Variants in C2CD2 observed in about 807,000 individuals in gnomAD.
C2CD2 encodes C2 calcium dependent domain containing 2.
Under a neutral mutation model 74.3 loss-of-function variants are expected in C2CD2, and 43 were observed. The observed-to-expected ratio is 0.58, with a 90% CI of 0.45 to 0.75. The LOEUF (loss-of-function observed/expected upper bound fraction) is 0.75. Ranked by LOEUF, C2CD2 falls within the 30% of genes least tolerant of loss-of-function variation. C2CD2 has a pLI of 0.00. For missense variants in C2CD2, 801 were observed against 916.3 expected (o/e 0.87, Z 1.63); for synonymous variants, 422 against 390.7 (o/e 1.08, Z -0.94).
intron 1 of C2CD2, among the ~76,000 whole-genome samples, chr21:41,944,521 C>CAAAAAAAAAA (rs369422328): frequency 3.1e-5 from 3 of 97,916 alleles, no homozygotes; most frequent in African/African-American, 3.9e-5. Context: ...GACTCTGCCT[C>CAAAAAAAAAA]AAAAAAAAAA....
At chr21:41,936,194 CAT>C (rs2065306199) in intron 2 of C2CD2, among the ~76,000 whole-genome samples, 2 of 152,032 alleles carry the variant, frequency 1.3e-5, no homozygotes, top group South Asian at 4.2e-4. Flanking sequence ...ATTTACAAGC[CAT>C]TTATCTGATA....
Position 41,923,871 on chromosome 21 carries a change from A to G in C2CD2, c.379-1786T>C, listed in dbSNP as rs2065181264. Among the ~76,000 whole-genome samples the G allele has an allele frequency of 6.6e-6, 1 of 152,096 alleles. No individual in the cohort carries two copies. Reference sequence around the variant, plus strand: ...AGCAGACACGTGTGGGATAATTACCAGGCCAGGTGCCAGGTGTGTACTGGC... The same window carrying G: ...AGCAGACACGTGTGGGATAATTACCGGGCCAGGTGCCAGGTGTGTACTGGC... On this transcript the variant is annotated intron_variant, in intron 2 of 13. Transcript: ENST00000380486. The surrounding 1 kb of genome is among the most constrained non-coding windows in gnomAD (Gnocchi z 5.8).
At chr21:41,916,473 C>T (rs376997887) in intron 5 of C2CD2, among the ~76,000 whole-genome samples, 7 of 152,124 alleles carry the variant, frequency 4.6e-5, no homozygotes, top group African/African-American at 1.7e-4. Flanking sequence ...TGCCTTCAGA[C>T]TTGGACTGAA....
chr21:41,936,804 A>G (rs1247902684), intron 2 of C2CD2, among the ~76,000 whole-genome samples: 1 of 122,686 alleles, frequency 8.2e-6, no homozygotes, highest in Non-Finnish European at 1.7e-5. Context: ...CTTCCATATG[A>G]TTTTCTTTTC....
chr21:41,916,683 A>G (rs1383754309), intron 5 of C2CD2, among the ~76,000 whole-genome samples: 2 of 149,872 alleles, frequency 1.3e-5, no homozygotes, highest in East Asian at 3.9e-4. Flanking sequence ...ACACACACAC[A>G]CACACACACA....
rs1286823213 is a variant in C2CD2 at position 41,887,263 on chromosome 21, CAT to C, written c.*1859_*1860del. 2 of 152,144 alleles carry C rather than the reference CAT, an allele frequency of 1.3e-5. No individual in the cohort carries two copies. Among genetic ancestry groups the C allele is most frequent in the East Asian group, 1.9e-4 (1 of 5,198 alleles). The allele number at this position is 152,144 out of a possible 1,614,324, so 9.4% of individuals were successfully genotyped here. A position where few individuals can be genotyped will look rare whatever the true frequency, so the allele number is the denominator to read the frequency against. ...GGGGACAGAAACTTGGTAGTATTCACATGTTTTGAAACTCCAGGTGCTTTTTT... is the reference window on the plus strand; with the variant it reads ...GGGGACAGAAACTTGGTAGTATTCACGTTTTGAAACTCCAGGTGCTTTTTT... On this transcript the variant is annotated 3_prime_UTR_variant, in exon 14 of 14. Transcript: ENST00000380486.
At chr21:41,940,924 C>T (rs2065349255) in intron 2 of C2CD2, among the ~76,000 whole-genome samples, 1 of 152,080 alleles carries the variant, frequency 6.6e-6, no homozygotes, top group South Asian at 2.1e-4. Context: ...CTGAACATAA[C>T]TGGCAAATAA....
rs76854191 is a variant in C2CD2, at chr21:41,941,696, G to T, written c.378+451C>A. ...AGTTCTACAACTATCACCACCATCA[G>T]TTCTAGAACATTTCATCACCCCAAC... On this transcript the variant is annotated intron_variant, in intron 2 of 13. Transcript: ENST00000380486. 5.7e-3 allele frequency among the ~76,000 whole-genome samples: 872 copies of T among 152,220 alleles called. 8 individuals are homozygous for T. The highest frequency in any genetic ancestry group is 0.019 in the African/African-American group (801 of 41,542).
At chr21:41,941,265 G>A (rs1024424234) in intron 2 of C2CD2, among the ~76,000 whole-genome samples, 5 of 152,186 alleles carry the variant, frequency 3.3e-5, no homozygotes, top group South Asian at 2.1e-4. Context: ...GGAGGCTAAG[G>A]CAGGAGGATC....
intron 2 of C2CD2, among the ~76,000 whole-genome samples, chr21:41,935,283 CA>C (rs1355157727): frequency 6.6e-6 from 1 of 152,118 alleles, no homozygotes; most frequent in Non-Finnish European, 1.5e-5. Context: ...TAAATTGTAG[CA>C]AAAAATAAAT....
Position 41,953,654 on chromosome 21 carries a change from A to G in C2CD2, c.-6T>C. The stretch of plus-strand genomic sequence containing the variant: ...CCCAGCCGGGCCATGGCCATGGCGC[A>G]TCCCCGGCCCGCCTCGCCCCAACTT... On this transcript the variant is annotated 5_prime_UTR_variant, in exon 1 of 14. It removes an upstream start codon present in the reference 5' UTR. Coordinates refer to ENST00000380486, the MANE Select transcript of C2CD2 (RefSeq NM_015500.2). The G allele has an allele frequency of 1.4e-6, 2 of 1,419,312 alleles. No individual in the cohort carries two copies. The highest frequency in any genetic ancestry group is 1.8e-6 in the Non-Finnish European group (2 of 1,092,074). The allele number at this position is 1,419,312 out of a possible 1,614,324, so 87.9% of individuals were successfully genotyped here.
chr21:41,901,431 A>G, intron 12 of C2CD2, 191 bp downstream of exon 12: 2 of 655,086 alleles, frequency 3.1e-6, no homozygotes, highest in Non-Finnish European at 5.5e-6. Context: ...GTCCTTGGTG[A>G]ATAGGATAAA....
At chr21:41,942,026 T>G in intron 2 of C2CD2, 121 bp downstream of exon 2, 5 of 1,288,916 alleles carry the variant, frequency 3.9e-6, no homozygotes, top group Non-Finnish European at 5.2e-6. Context: ...GGCCAGATGG[T>G]TGTTTTGATT....
intron 11 of C2CD2, among the ~76,000 whole-genome samples, chr21:41,904,383 A>T (rs1415206043): frequency 6.6e-6 from 1 of 152,194 alleles, no homozygotes; most frequent in Non-Finnish European, 1.5e-5. Context: ...ATCAAGAAAG[A>T]ACCAGAAAAA....
chr21:41,904,714 G>A (rs1186325455), intron 11 of C2CD2, among the ~76,000 whole-genome samples: 4 of 152,290 alleles, frequency 2.6e-5, no homozygotes, highest in Middle Eastern at 6.8e-3. Flanking sequence ...TTAAGACAGT[G>A]CCCCTCCAGT....
In C2CD2 at chr21:41,923,313, A is replaced by G. The variant is rs1205963998; in HGVS notation, c.379-1228T>C. On this transcript the variant is annotated intron_variant, in intron 2 of 13. Transcript: ENST00000380486. This position sits in a 1 kb window ranked among gnomAD's most constrained non-coding sequence, Gnocchi z 5.8. ...CGGCCAACAAAGTCTTTTTCTTTAA[A>G]TATCATCTTGTTCTATTTCTCCACA... Among the ~76,000 whole-genome samples, 1 of 152,172 alleles carries G rather than the reference A, an allele frequency of 6.6e-6. No homozygotes were observed. Among genetic ancestry groups the G allele is most frequent in the East Asian group, 1.9e-4 (1 of 5,192 alleles).
chr21:41,931,571 T>C (rs1263780830), intron 2 of C2CD2, among the ~76,000 whole-genome samples: 1 of 149,304 alleles, frequency 6.7e-6, no homozygotes, highest in East Asian at 2.0e-4. Flanking sequence ...TACAGGCGCG[T>C]GCCACCACGC....
intron 13 of C2CD2, among the ~76,000 whole-genome samples, chr21:41,897,894 G>A (rs1601549064): frequency 1.3e-5 from 2 of 152,158 alleles, no homozygotes; most frequent in East Asian, 1.9e-4. Context: ...TCCTGTGCAC[G>A]GCAGGGCGCT....
rs756163267 is a variant in C2CD2 at position 41,899,249 on chromosome 21, G to A, written c.1674C>T (p.Ala558=). The A allele has an allele frequency of 1.2e-6, 2 of 1,612,324 alleles. No individual in the cohort carries two copies. The highest frequency in any genetic ancestry group is 1.1e-5 in the South Asian group (1 of 90,986). ...PSHPERAAAS[A]PPEEAESAQA... is the part of the protein sequence containing the mutation. ...GGGCTGACTCGGCTTCCTCTGGCGG[G>A]GCAGAGGCTGCCGCCCTCTCCGGAT... The change falls in exon 13 of 14, where the codon GCC becomes GCT. Residue 558 remains alanine, a synonymous_variant. Transcript: ENST00000380486. The surrounding 1 kb of genome is among the most constrained non-coding windows in gnomAD (Gnocchi z 4.4).
Sources: gnomAD v4.1 joint callset for allele counts (sites outside exome capture counted in the v4.1 genomes callset) on GRCh38, gnomAD v4.1.1 for gene constraint, Gnocchi (gnomAD v3.1) non-coding constraint, MANE v1.5 for transcripts, NCBI Gene and HGNC (gene_info 2026-07-23, HGNC 2026-07-21) for gene names.